PTCH1: variants seen among roughly 807,000 people sequenced by gnomAD.
PTCH1 encodes the protein protein patched homolog 1.
A neutral mutation model predicts 144.6 loss-of-function variants in PTCH1; 14 were observed. That is an observed-to-expected ratio of 0.10 (90% CI 0.06 to 0.15). The LOEUF is 0.15. PTCH1 is among the 10% of genes least tolerant of loss of function. The pLI is 1.00. For missense variants in PTCH1, 1,623 were observed against 1,948.3 expected (o/e 0.83, Z 3.14); for synonymous variants, 833 against 793.6 (o/e 1.05, Z -0.83).
chr9:95,475,912 C>T, intron 12 of PTCH1, 122 bp downstream of exon 12: 3 of 1,472,764 alleles, frequency 2.0e-6, no homozygotes, highest in Middle Eastern at 2.4e-4. Context: ...GAGCCTCAAA[C>T]ACAGGCATTT....
In PTCH1 at chr9:95,480,042, T is replaced by C. The variant is rs1256525885; in HGVS notation, c.994A>G (p.Arg332Gly). 1.2e-6 allele frequency: 2 copies of C among 1,614,024 alleles called. No homozygotes were observed. Among genetic ancestry groups the C allele is most frequent in the Admixed American group, 1.7e-5 (1 of 60,006 alleles). ...TCCTCCTGCCAGTGCATATACTTTC[T>C]GGATAAGCCATGACATCCACCATTC... Reference protein sequence around the residue: ...VLNGGCHGLSRKYMHWQEELI... With the variant: ...VLNGGCHGLSGKYMHWQEELI... The change falls in exon 7 of 24, where the codon AGA becomes GGA. Residue 332 changes from arginine (R) to glycine (G), a missense_variant. Transcript: ENST00000331920.
At chr9:95,504,726 C>A (rs906402249) in intron 2 of PTCH1, among the ~76,000 whole-genome samples, 1 of 152,204 alleles carries the variant, frequency 6.6e-6, no homozygotes, top group African/African-American at 2.4e-5. Context: ...AAATGCCCTC[C>A]TTCCCCTACC....
rs1244674046 is a variant in PTCH1 at position 95,516,516 on chromosome 9, G to C, written c.-45C>G. 3.2e-6 allele frequency: 5 copies of C among 1,539,044 alleles called. No individual in the cohort carries two copies. The Admixed American group carries it at 6.3e-5, about 20-fold the overall frequency. On this transcript the variant is annotated 5_prime_UTR_variant, in exon 1 of 23. Transcript: ENST00000430669. ...CTCGGAGCGCGGGTGCCGATGGCGC[G>C]GACGCTGGGCTTGGATTTCACATCA...
chr9:95,470,298 T>C (rs56090324), intron 12 of PTCH1, among the ~76,000 whole-genome samples: 7 of 152,328 alleles, frequency 4.6e-5, no homozygotes, highest in African/African-American at 1.4e-4. Context: ...TCCAGAATGC[T>C]TCCAAGAGGT....
chr9:95,488,608 T>C (rs1389071394), intron 2 of PTCH1, among the ~76,000 whole-genome samples: 1 of 59,860 alleles, frequency 1.7e-5, no homozygotes, highest in East Asian at 4.6e-4. Context: ...CAGCAAGCAT[T>C]TGTGGGTGGG....
At chr9:95,454,933 G>A (rs971124921) in intron 19 of PTCH1, among the ~76,000 whole-genome samples, 13 of 152,180 alleles carry the variant, frequency 8.5e-5, no homozygotes, top group African/African-American at 3.1e-4. Context: ...CATTTGCCCT[G>A]CTAGCTTCCA....
intron 2 of PTCH1, among the ~76,000 whole-genome samples, chr9:95,493,726 G>A (rs1229899558): frequency 6.6e-6 from 1 of 151,886 alleles, no homozygotes; most frequent in Admixed American, 6.6e-5. Flanking sequence ...TTACTGTGAG[G>A]CCGAAAAAGT....
chr9:95,508,098 G>A (rs935246132), intron 1 of PTCH1, 63 bp downstream of exon 1: 1 of 1,600,452 alleles, frequency 6.2e-7, no homozygotes, highest in Non-Finnish European at 8.5e-7. Context: ...TGTGTGTGGC[G>A]GGGGCGATCC....
At position 95,456,399 on chromosome 9, in the gene PTCH1, C is replaced by T. The variant is rs878853854; in HGVS notation, c.3183G>A (p.Ala1061=). 30 of 1,613,802 alleles carry T rather than the reference C, an allele frequency of 1.9e-5. No individual in the cohort carries two copies. The highest frequency in any genetic ancestry group is 4.0e-5 in the African/African-American group (3 of 74,928). Reference sequence around the variant, plus strand: ...TGCCGAACAGCTCGACCGTCATCAGCGCCAGGACCATCACCTGGAGCAGGG... The same window carrying T: ...TGCCGAACAGCTCGACCGTCATCAGTGCCAGGACCATCACCTGGAGCAGGG... ...WTAGIIVMVL[A]LMTVELFGMM... Residue 1061 remains alanine, a synonymous_variant, in exon 19 of 24, where the codon GCG becomes GCA. Coordinates refer to ENST00000331920, the MANE Select transcript of PTCH1 (RefSeq NM_000264.5).
chr9:95,492,628 A>C (rs1325899721), intron 2 of PTCH1, among the ~76,000 whole-genome samples: 1 of 151,980 alleles, frequency 6.6e-6, no homozygotes, highest in Non-Finnish European at 1.5e-5. Flanking sequence ...TTATGTGTGA[A>C]TATCACCCCC....
At chr9:95,450,222 T>A in intron 20 of PTCH1, 2 of 464,038 alleles carry the variant, frequency 4.3e-6, no homozygotes, top group Non-Finnish European at 7.9e-6. Context: ...TCTGATGGCA[T>A]GTAATGTTAT....
intron 2 of PTCH1, chr9:95,503,282 T>C (rs898208279): frequency 2.6e-5 from 4 of 152,206 alleles, no homozygotes; most frequent in Admixed American, 6.5e-5. Context: ...TGAACTTAAA[T>C]GTGGAGCTAT....
rs1319930563 is a variant in PTCH1, at chr9:95,456,256, G to C, written c.3306+20C>G. The C allele has an allele frequency of 1.2e-6, 2 of 1,612,474 alleles. No homozygotes were observed. Among genetic ancestry groups the C allele is most frequent in the Non-Finnish European group, 1.7e-6 (2 of 1,179,956 alleles). Reference sequence around the variant, plus strand: ...TGGGTTGTTTTTTCACAAAGTTTTTGCTTCAAATGTCTCCCATACCAAAGC... The same window carrying C: ...TGGGTTGTTTTTTCACAAAGTTTTTCCTTCAAATGTCTCCCATACCAAAGC... On this transcript the variant is annotated intron_variant, in intron 19 of 23. Coordinates refer to ENST00000331920, the MANE Select transcript of PTCH1 (RefSeq NM_000264.5).
chr9:95,461,726 T>C (rs549011860), intron 16 of PTCH1, 130 bp downstream of exon 16: 12 of 1,322,788 alleles, frequency 9.1e-6, no homozygotes, highest in African/African-American at 7.4e-5. Flanking sequence ...CCCAATATTC[T>C]TTCTACCAGC....
At chr9:95,481,148 A>G (rs559237918) in intron 5 of PTCH1, among the ~76,000 whole-genome samples, 2 of 152,318 alleles carry the variant, frequency 1.3e-5, no homozygotes, top group South Asian at 4.1e-4. Context: ...CTGTTGACAG[A>G]CCAGAAAGGC....
In PTCH1 at chr9:95,476,229, G is replaced by A. The variant is rs2118266982; in HGVS notation, c.1603-70C>T. The A allele has an allele frequency of 3.2e-6, 5 of 1,565,666 alleles. No homozygotes were observed. In the South Asian group the frequency reaches 4.6e-5, roughly 15 times the overall value. Reference sequence around the variant, plus strand: ...TCCCCTTGGAGCACAGACTGTGTGAGCAGATACGTGGCAGAATAACACAAC... The same window carrying A: ...TCCCCTTGGAGCACAGACTGTGTGAACAGATACGTGGCAGAATAACACAAC... On this transcript the variant is annotated intron_variant, in intron 11 of 23. Coordinates refer to ENST00000331920, the MANE Select transcript of PTCH1 (RefSeq NM_000264.5). The surrounding 1 kb of genome is among the most constrained non-coding windows in gnomAD (Gnocchi z 4.6).
In PTCH1 at chr9:95,477,512, G is replaced by A. The variant is rs756154768; in HGVS notation, c.1503+35C>T. On this transcript the variant is annotated intron_variant, in intron 10 of 23. Transcript: ENST00000331920. ...CAAGCCTGGGGGCCGGGTGGCATTTGTCAACGGACAGCAGATAAATGGCTC... is the reference window on the plus strand; with the variant it reads ...CAAGCCTGGGGGCCGGGTGGCATTTATCAACGGACAGCAGATAAATGGCTC... 3.7e-6 allele frequency: 6 copies of A among 1,613,984 alleles called. No homozygotes were observed. In the South Asian group the frequency reaches 5.5e-5, roughly 15 times the overall value.
At chr9:95,472,817 C>T (rs1200837016) in intron 12 of PTCH1, among the ~76,000 whole-genome samples, 1 of 152,120 alleles carries the variant, frequency 6.6e-6, no homozygotes, top group Non-Finnish European at 1.5e-5. Flanking sequence ...GTGCCAGGTC[C>T]CCAGGTGTAC....
At chr9:95,510,070 G>A (rs775110747), upstream of PTCH1, among the ~76,000 whole-genome samples, 1 of 151,032 alleles carries the variant, frequency 6.6e-6, no homozygotes, top group East Asian at 2.0e-4. Flanking sequence ...TCCAGACACC[G>A]AAGCAGTCTT....
Sources: allele counts gnomAD v4.1 joint callset (sites outside exome capture counted in the v4.1 genomes callset), GRCh38; gene constraint gnomAD v4.1.1; non-coding constraint Gnocchi (gnomAD v3.1); transcripts MANE v1.5; gene names NCBI Gene and HGNC (gene_info 2026-07-23, HGNC 2026-07-21).